BFSP2: variants seen among roughly 807,000 people sequenced by gnomAD.
BFSP2 encodes phakinin.
In BFSP2, 38 loss-of-function variants were observed where a neutral mutation model predicts 44.9. The ratio of observed to expected loss-of-function variants is 0.85; its 90% CI spans 0.65 to 1.11. The LOEUF (loss-of-function observed/expected upper bound fraction) is 1.11, where lower values mean the gene tolerates loss of function less well. Ranked by LOEUF, BFSP2 falls within the 50% of genes least tolerant of loss-of-function variation. The probability of loss-of-function intolerance (pLI) is 0.00; values close to 1 mark genes in which losing one functional copy is unlikely to be tolerated. For missense variants in BFSP2, 525 were observed against 533.0 expected, an observed-to-expected ratio of 0.99 and a Z score of 0.15; for synonymous variants, 197 against 209.9, an observed-to-expected ratio of 0.94 and a Z score of 0.53.
intron 1 of BFSP2, among the ~76,000 whole-genome samples, chr3:133,415,358 A>C (rs1182614260): frequency 1.8e-4 from 7 of 38,748 alleles, no homozygotes; most frequent in Non-Finnish European, 2.4e-4. Flanking sequence ...CCCTCTACTC[A>C]CCCCTCTACT....
chr3:133,423,060 G>A (rs774815491), intron 1 of BFSP2, among the ~76,000 whole-genome samples: 1 of 152,086 alleles, frequency 6.6e-6, no homozygotes, highest in Non-Finnish European at 1.5e-5. Context: ...TAAGAGCAGA[G>A]GTATAGTCTG....
intron 1 of BFSP2, among the ~76,000 whole-genome samples, chr3:133,423,971 C>G (rs926730446): frequency 3.3e-5 from 5 of 151,578 alleles, no homozygotes; most frequent in Admixed American, 6.6e-5. Flanking sequence ...ATAAATCAAC[C>G]ATAAAATTTC....
At chr3:133,406,798 GGAAA>G (rs1481452236) in intron 1 of BFSP2, among the ~76,000 whole-genome samples, 1 of 152,046 alleles carries the variant, frequency 6.6e-6, no homozygotes, top group African/African-American at 2.4e-5. Flanking sequence ...TATAAGAATT[GGAAA>G]GAAAGAGGGA....
At chr3:133,452,752 T>C (rs913170305) in intron 4 of BFSP2, among the ~76,000 whole-genome samples, 8 of 152,324 alleles carry the variant, frequency 5.3e-5, no homozygotes, top group African/African-American at 1.9e-4. Flanking sequence ...CCCCTGGCTC[T>C]GCTTCTAAAG....
At chr3:133,410,375 G>A (rs2073438974) in intron 1 of BFSP2, 1 of 325,156 alleles carries the variant, frequency 3.1e-6, no homozygotes, top group African/African-American at 2.2e-5. Context: ...CATAGCAGTA[G>A]TGGGAGCAGA....
intron 1 of BFSP2, among the ~76,000 whole-genome samples, chr3:133,433,801 A>C (rs1432684592): frequency 6.6e-6 from 1 of 152,204 alleles, no homozygotes; most frequent in Non-Finnish European, 1.5e-5. Context: ...CAGCAACTTA[A>C]AAAGGACTGA....
chr3:133,463,323 C>CA (rs2074081143), intron 4 of BFSP2, among the ~76,000 whole-genome samples: 1 of 151,978 alleles, frequency 6.6e-6, no homozygotes, highest in Admixed American at 6.6e-5. Flanking sequence ...ACAAAACAAA[C>CA]AAAAAACTCT....
intron 4 of BFSP2, among the ~76,000 whole-genome samples, chr3:133,462,525 A>G (rs1331969218): frequency 1.3e-5 from 2 of 152,190 alleles, no homozygotes; most frequent in Non-Finnish European, 2.9e-5. Flanking sequence ...ACTTGCCTCC[A>G]TTCCTTCCCT....
At chr3:133,441,605 G>A (rs1038649493) in intron 1 of BFSP2, among the ~76,000 whole-genome samples, 4 of 152,104 alleles carry the variant, frequency 2.6e-5, no homozygotes, top group African/African-American at 9.7e-5. Flanking sequence ...CTGAGGGTAG[G>A]CACTGGGTCT....
Position 133,472,432 on chromosome 3 carries a change from G to A in BFSP2, c.1111G>A (p.Glu371Lys), listed in dbSNP as rs576771761. Residue 371 changes from glutamate to lysine, a missense_variant, in exon 6 of 7, where the codon GAG (glutamate) becomes AAG (lysine). By Grantham distance (56) the Glu-to-Lys change is moderately conservative. Transcript: ENST00000302334. ...CCTGGGCGCTGTGGTCGGCCGGCTG[G>A]AGGCGGAGCTCAGGGAAATCCGAGC... ...QNLGAVVGRLEAELREIRAEA... is the reference protein window; with the variant it reads ...QNLGAVVGRLKAELREIRAEA... The A allele has an allele frequency of 7.3e-5, 118 of 1,614,032 alleles. No individual in the cohort carries two copies. The highest frequency in any genetic ancestry group is 4.9e-4 in the Middle Eastern group (3 of 6,072).
chr3:133,416,822 C>CTCTCCCTTCTATTCACCCCTGTTA (rs1559960637), intron 1 of BFSP2, among the ~76,000 whole-genome samples: 1 of 139,272 alleles, frequency 7.2e-6, no homozygotes, highest in African/African-American at 2.7e-5. Flanking sequence ...CACCCCTGTC[C>CTCTCCCTTCTATTCACCCCTGTTA]TCTCCCCTCT....
At chr3:133,449,972 G>GAAAGAAA (rs1559976005) in intron 3 of BFSP2, among the ~76,000 whole-genome samples, 1 of 114,702 alleles carries the variant, frequency 8.7e-6, no homozygotes, top group African/African-American at 3.6e-5. Flanking sequence ...AGAGAAAGAA[G>GAAAGAAA]GAAAGAAGGA....
chr3:133,437,895 C>T (rs1373492063), intron 1 of BFSP2, among the ~76,000 whole-genome samples: 2 of 152,192 alleles, frequency 1.3e-5, no homozygotes, highest in Non-Finnish European at 2.9e-5. Flanking sequence ...CAGCCAGGGG[C>T]ACCTACATCG....
intron 1 of BFSP2, among the ~76,000 whole-genome samples, chr3:133,415,228 CTCTGT>C (rs2073508177): frequency 1.6e-5 from 2 of 128,140 alleles, no homozygotes; most frequent in African/African-American, 3.1e-5. Context: ...CTCCCCTCAC[CTCTGT>C]CCTCTCCCCT....
chr3:133,412,715 T>C (rs1016075087), intron 1 of BFSP2, among the ~76,000 whole-genome samples: 1 of 152,164 alleles, frequency 6.6e-6, no homozygotes, highest in East Asian at 1.9e-4. Flanking sequence ...TTCCAGAGCC[T>C]GGCACAGGGA....
At chr3:133,466,050 C>T (rs556750814) in intron 4 of BFSP2, among the ~76,000 whole-genome samples, 220 of 152,130 alleles carry the variant, frequency 1.4e-3, no homozygotes, top group South Asian at 9.3e-3. Flanking sequence ...TAGGTTGGTG[C>T]AAAATTAATT....
At position 133,441,198 on chromosome 3, in the gene BFSP2, G is replaced by A. The variant is rs566440461; in HGVS notation, c.490-6119G>A. ...GGGATTACAGGCACACCCACGCCGGGCTAATTTTTGTATTTTTAGTAGAGA... is the reference window on the plus strand; with the variant it reads ...GGGATTACAGGCACACCCACGCCGGACTAATTTTTGTATTTTTAGTAGAGA... On this transcript the variant is annotated intron_variant, in intron 1 of 6. Transcript: ENST00000302334. Among the ~76,000 whole-genome samples, 5 of 152,104 alleles carry A rather than the reference G, an allele frequency of 3.3e-5. No individual in the cohort carries two copies. The East Asian group carries it at 9.7e-4, about 29-fold the overall frequency.
chr3:133,419,040 G>C (rs1044793985), intron 1 of BFSP2, among the ~76,000 whole-genome samples: 2 of 152,178 alleles, frequency 1.3e-5, no homozygotes, highest in Admixed American at 6.5e-5. Flanking sequence ...CAAGATCAAG[G>C]TGTCAGCAGG....
intron 4 of BFSP2, among the ~76,000 whole-genome samples, chr3:133,460,537 T>C (rs1185028685): frequency 6.6e-6 from 1 of 152,214 alleles, no homozygotes; most frequent in Non-Finnish European, 1.5e-5. Flanking sequence ...GGATTGCAGA[T>C]GTGAGCCACC....
Sources: allele counts gnomAD v4.1 joint callset (sites outside exome capture counted in the v4.1 genomes callset), GRCh38; gene constraint gnomAD v4.1.1; transcripts MANE v1.5; gene names NCBI Gene and HGNC (gene_info 2026-07-23, HGNC 2026-07-21).